The following ATP11B variants were observed in gnomAD, a reference collection of about 807,000 sequenced individuals.
ATP11B encodes phospholipid-transporting ATPase IF.
Under a neutral mutation model 157.8 loss-of-function variants are expected in ATP11B, and 81 were observed. The ratio of observed to expected loss-of-function variants is 0.51; its 90% CI spans 0.43 to 0.62. The LOEUF (loss-of-function observed/expected upper bound fraction) is 0.62, where lower values mean the gene tolerates loss of function less well. ATP11B is among the 20% of genes least tolerant of loss of function. The pLI is 0.00. For synonymous variants in ATP11B, 451 were observed against 469.4 expected, an observed-to-expected ratio of 0.96 and a Z score of 0.51; for missense variants, 1,165 against 1,402.2, an observed-to-expected ratio of 0.83 and a Z score of 2.70.
intron 4 of ATP11B, among the ~76,000 whole-genome samples, chr3:182,831,122 T>G (rs1360232187): frequency 6.6e-6 from 1 of 152,202 alleles, no homozygotes; most frequent in African/African-American, 2.4e-5. Context: ...TACAACTGTT[T>G]GTACAACATT....
chr3:182,904,937 A>ATTTTCTTTTG (rs974663171), intron 28 of ATP11B, among the ~76,000 whole-genome samples: 5 of 150,974 alleles, frequency 3.3e-5, no homozygotes, highest in South Asian at 2.1e-4. Context: ...CTTATTAACA[A>ATTTTCTTTTG]TTTTCTTTTG....
rs984177223 is a variant in ATP11B, at chr3:182,793,585, G to C, written c.-175G>C. On this transcript the variant is annotated 5_prime_UTR_variant, in exon 1 of 30. Coordinates refer to ENST00000323116, the MANE Select transcript of ATP11B (RefSeq NM_014616.3). The stretch of plus-strand genomic sequence containing the variant: ...CGCCGGGGCCGCGCCTGTAGGACTC[G>C]GGGCCGACGCCGCGGGATGGGGACG... 8 of 383,614 alleles carry C rather than the reference G, an allele frequency of 2.1e-5. No homozygotes were observed. The highest frequency in any genetic ancestry group is 9.3e-5 in the Admixed American group (2 of 21,610). The allele number at this position is 383,614 out of a possible 1,614,324, so 23.8% of individuals were successfully genotyped here.
intron 2 of ATP11B, among the ~76,000 whole-genome samples, chr3:182,823,400 G>C (rs1325259036): frequency 6.6e-6 from 1 of 152,234 alleles, no homozygotes; most frequent in African/African-American, 2.4e-5. Context: ...GTTTTTGTCA[G>C]GTTTGTCAAA....
At chr3:182,824,767 C>T (rs1169886159) in intron 2 of ATP11B, among the ~76,000 whole-genome samples, 1 of 152,194 alleles carries the variant, frequency 6.6e-6, no homozygotes, top group African/African-American at 2.4e-5. Flanking sequence ...ACCTATTACG[C>T]CACTATTGCT....
In ATP11B at chr3:182,919,600, C is replaced by G. The variant is rs1274960239; in HGVS notation, c.*1496C>G. On this transcript the variant is annotated 3_prime_UTR_variant, in exon 30 of 30. Coordinates refer to ENST00000323116, the MANE Select transcript of ATP11B (RefSeq NM_014616.3). ...GTTAAATGCGGTTTTACCAAGTTTT[C>G]CCTTGAAAATGTAATTCCTTTATGG... The G allele has an allele frequency of 6.6e-6, 1 of 152,142 alleles. No homozygotes were observed. Among genetic ancestry groups the G allele is most frequent in the Non-Finnish European group, 1.5e-5 (1 of 68,010 alleles). 9.4% of individuals were successfully genotyped at this position (152,142 alleles called of 1,614,324 possible). A position where few individuals can be genotyped will look rare whatever the true frequency, so the allele number is the denominator to read the frequency against.
In ATP11B at chr3:182,916,017, T is replaced by C. The variant is rs114507044; in HGVS notation, c.3453-2006T>C. 1.1e-3 allele frequency: 1,074 copies of C among 984,824 alleles called. 9 individuals are homozygous for C. In the African/African-American group the frequency reaches 0.017, roughly 16 times the overall value. 61.0% of individuals were successfully genotyped at this position (984,824 alleles called of 1,614,324 possible). A position where few individuals can be genotyped will look rare whatever the true frequency, so the allele number is the denominator to read the frequency against. ...TTTCTCATGTGAATAATCTAGAAGGTCTTTTCAGACCTGTTCATTCTTTTC... is the reference window on the plus strand; with the variant it reads ...TTTCTCATGTGAATAATCTAGAAGGCCTTTTCAGACCTGTTCATTCTTTTC... On this transcript the variant is annotated intron_variant, in intron 29 of 29. Coordinates refer to ENST00000323116, the MANE Select transcript of ATP11B (RefSeq NM_014616.3).
intron 25 of ATP11B, among the ~76,000 whole-genome samples, chr3:182,891,085 C>T (rs1723144589): frequency 6.6e-6 from 1 of 152,212 alleles, no homozygotes; most frequent in Admixed American, 6.5e-5. Flanking sequence ...TTCTGAGAAA[C>T]AGCTGTTAGC....
intron 12 of ATP11B, among the ~76,000 whole-genome samples, chr3:182,860,945 G>T (rs566373172): frequency 7.2e-4 from 109 of 152,060 alleles, no homozygotes; most frequent in Middle Eastern, 3.4e-3. Flanking sequence ...AGAACAGCCA[G>T]TTCTGCTATA....
chr3:182,880,849 CATAA>C (rs773685330), intron 20 of ATP11B, 26 bp from the exon 21 acceptor site: 9 of 1,448,610 alleles, frequency 6.2e-6, no homozygotes, highest in Admixed American at 2.3e-5. Flanking sequence ...GAACTTGCGT[CATAA>C]ATAACCAATT....
At chr3:182,827,346 A>G (rs1356128416) in intron 2 of ATP11B, among the ~76,000 whole-genome samples, 1 of 152,046 alleles carries the variant, frequency 6.6e-6, no homozygotes, top group African/African-American at 2.4e-5. Flanking sequence ...GTGCTTCTTC[A>G]GTATGTTAGC....
chr3:182,892,580 T>C (rs1723249027), intron 25 of ATP11B, among the ~76,000 whole-genome samples: 1 of 152,218 alleles, frequency 6.6e-6, no homozygotes. Flanking sequence ...ATCCCTTTTT[T>C]TTTGTATTAG....
chr3:182,809,586 T>C (rs1311896130), intron 1 of ATP11B, among the ~76,000 whole-genome samples: 2 of 152,138 alleles, frequency 1.3e-5, no homozygotes, highest in Non-Finnish European at 2.9e-5. Flanking sequence ...TACACATCCT[T>C]TGCTTGAACT....
At chr3:182,830,368 T>C (rs893493305) in intron 4 of ATP11B, among the ~76,000 whole-genome samples, 1 of 152,116 alleles carries the variant, frequency 6.6e-6, no homozygotes, top group Non-Finnish European at 1.5e-5. Flanking sequence ...TGTTTACAAC[T>C]TTCTCTTATG....
At chr3:182,827,531 A>G (rs1011694481) in intron 2 of ATP11B, among the ~76,000 whole-genome samples, 3 of 151,948 alleles carry the variant, frequency 2.0e-5, no homozygotes, top group Non-Finnish European at 2.9e-5. Context: ...CCATTGTGCT[A>G]TACTATCTTA....
intron 29 of ATP11B, chr3:182,917,030 C>G (rs774984062): frequency 2.4e-5 from 24 of 985,186 alleles, no homozygotes; most frequent in Admixed American, 6.2e-5. Context: ...CTTCCCTAAC[C>G]TAAGGTAGAT....
chr3:182,809,002 A>T (rs1716493746), intron 1 of ATP11B, among the ~76,000 whole-genome samples: 1 of 151,808 alleles, frequency 6.6e-6, no homozygotes, highest in Non-Finnish European at 1.5e-5. Context: ...CTTTTTTATT[A>T]ATATTCTTGG....
At chr3:182,903,887 T>C (rs533446090) in intron 28 of ATP11B, among the ~76,000 whole-genome samples, 87 of 152,376 alleles carry the variant, frequency 5.7e-4, no homozygotes, top group African/African-American at 2.0e-3. Flanking sequence ...TATATTTTTA[T>C]GAAATCATAT....
chr3:182,828,283 C>T lies in ATP11B; in HGVS notation c.234+74C>T, dbSNP rs112368316. ...TATGTCTTGGAACAAAGAAAAATTA[C>T]ATTGTGTTGCTAATCATTTGACCAT... On this transcript the variant is annotated intron_variant, in intron 3 of 29. Transcript: ENST00000323116. The T allele has an allele frequency of 4.0e-5, 28 of 701,268 alleles. No homozygotes were observed. The African/African-American group carries it at 4.2e-4, about 11-fold the overall frequency. 43.4% of individuals were successfully genotyped at this position (701,268 alleles called of 1,614,324 possible).
At chr3:182,885,870 T>G in intron 22 of ATP11B, 81 bp from the exon 23 acceptor site, 1 of 977,314 alleles carries the variant, frequency 1.0e-6, no homozygotes, top group Non-Finnish European at 1.5e-6. Context: ...TTGGACACTT[T>G]AACAGCCATT....
Sources: allele counts gnomAD v4.1 joint callset (sites outside exome capture counted in the v4.1 genomes callset), GRCh38; gene constraint gnomAD v4.1.1; transcripts MANE v1.5; gene names NCBI Gene and HGNC (gene_info 2026-07-23, HGNC 2026-07-21).